The following TALDO1 variants were observed in gnomAD, a reference collection of about 807,000 sequenced individuals.
The protein encoded by TALDO1 is transaldolase 1.
In TALDO1, 29 loss-of-function variants were observed where a neutral mutation model predicts 38.1. The observed-to-expected ratio is 0.76, with a 90% CI of 0.57 to 1.04. The LOEUF (loss-of-function observed/expected upper bound fraction) is 1.04, where lower values mean the gene tolerates loss of function less well. Among genes scored for constraint, TALDO1 ranks in the 50% least tolerant of loss-of-function variants. The pLI, the probability that TALDO1 is intolerant of heterozygous loss-of-function variation, is 0.00. For synonymous variants in TALDO1, 207 were observed against 176.8 expected (o/e 1.17, Z -1.36); for missense variants, 499 against 438.1 (o/e 1.14, Z -1.24).
Position 763,842 on chromosome 11 carries a change from A to T in TALDO1, c.733A>T (p.Lys245Ter). 1 of 1,614,058 alleles carries T rather than the reference A, an allele frequency of 6.2e-7. No individual in the cohort carries two copies. The highest frequency in any genetic ancestry group is 8.5e-7 in the Non-Finnish European group (1 of 1,180,022). The change falls in exon 6 of 8, where the codon AAA becomes TAA. Residue 245 changes from lysine (K) to a stop codon, truncating the protein, a stop_gained. Coordinates refer to ENST00000319006, the MANE Select transcript of TALDO1 (RefSeq NM_006755.2). LOFTEE classifies it high-confidence loss of function. Reference protein sequence around the residue: ...GASFRNTGEIKALAGCDFLTI... With the variant: ...GASFRNTGEI Reference sequence around the variant, plus strand: ...CTCCTTCCGCAACACGGGCGAGATCAAAGCACTGGCCGGCTGTGACTTCCT... The same window carrying T: ...CTCCTTCCGCAACACGGGCGAGATCTAAGCACTGGCCGGCTGTGACTTCCT...
chr11:758,231 C>T (rs1432555079), intron 2 of TALDO1, among the ~76,000 whole-genome samples: 1 of 152,026 alleles, frequency 6.6e-6, no homozygotes, highest in African/African-American at 2.4e-5. Flanking sequence ...CTGGCAGAGC[C>T]GAGATTGTGC....
chr11:747,589 C>T lies in TALDO1; in HGVS notation c.97+11C>T. 2.6e-6 allele frequency: 4 copies of T among 1,559,184 alleles called. No homozygotes were observed. The highest frequency in any genetic ancestry group is 1.9e-5 in the Admixed American group (1 of 53,312). On this transcript the variant is annotated intron_variant, in intron 1 of 7. Coordinates refer to ENST00000319006, the MANE Select transcript of TALDO1 (RefSeq NM_006755.2). ...CGGGCGACTTCCACGGTGAGGACGG[C>T]GCGGAGCCCGGGCGCGGCGCAAGCG... is the stretch of plus-strand genomic sequence containing the variant.
At chr11:755,791 G>T in intron 1 of TALDO1, 88 bp from the exon 2 acceptor site, 1 of 1,600,238 alleles carries the variant, frequency 6.2e-7, no homozygotes, top group Non-Finnish European at 8.5e-7. Flanking sequence ...CTCCCCTAAC[G>T]TCCTGGGGAA....
rs190635396 is a variant in TALDO1 at position 750,394 on chromosome 11, G to C, written c.97+2816G>C. 2.2e-4 allele frequency among the ~76,000 whole-genome samples: 34 copies of C among 152,156 alleles called. No homozygotes were observed. In the Middle Eastern group the frequency reaches 0.017, roughly 76 times the overall value. On this transcript the variant is annotated intron_variant, in intron 1 of 7. Coordinates refer to ENST00000319006, the MANE Select transcript of TALDO1 (RefSeq NM_006755.2). ...TCCTAGCTACTCAGGAGGCTGAGTT[G>C]GGAGGATCACTTAAGCCCAGGAGGT...
intron 4 of TALDO1, among the ~76,000 whole-genome samples, chr11:763,005 T>A (rs994887115): frequency 1.3e-5 from 2 of 152,170 alleles, no homozygotes; most frequent in African/African-American, 2.4e-5. Flanking sequence ...TGCCTTTGTC[T>A]ATTGTGTCAT....
intron 1 of TALDO1, among the ~76,000 whole-genome samples, chr11:748,719 A>G (rs1862700742): frequency 6.6e-6 from 1 of 152,236 alleles, no homozygotes; most frequent in African/African-American, 2.4e-5. Context: ...ATGGGGATTC[A>G]GTGACTGGCT....
rs763695666 is a variant in TALDO1, at chr11:763,387, C to T, written c.505C>T (p.Leu169Phe). The T allele has an allele frequency of 1.9e-6, 3 of 1,612,762 alleles. No individual in the cohort carries two copies. Among genetic ancestry groups the T allele is most frequent in the Non-Finnish European group, 2.5e-6 (3 of 1,179,556 alleles). The change falls in exon 5 of 8, where the codon CTC becomes TTC. Residue 169 changes from leucine (L) to phenylalanine (F), a missense_variant. Transcript: ENST00000319006. ...QHGIHCNMTL[L>F]FSFAQAVACA... ...CGGCATCCACTGCAACATGACGTTA[C>T]TCTTCTCCTTCGCCCAGGCTGTGGC...
intron 7 of TALDO1, 47 bp downstream of exon 7, chr11:764,480 C>T: frequency 1.3e-6 from 2 of 1,598,980 alleles, no homozygotes; most frequent in Non-Finnish European, 1.7e-6. Flanking sequence ...CCTATGAGAG[C>T]CCGGGCCTGG....
rs375695395 is a variant in TALDO1, at chr11:764,433, A to G, written c.981A>G (p.Thr327=). The G allele has an allele frequency of 9.3e-6, 15 of 1,609,850 alleles. No individual in the cohort carries two copies. Among genetic ancestry groups the G allele is most frequent in the African/African-American group, 6.7e-5 (5 of 74,646 alleles). Residue 327 remains threonine (T), a splice_region_variant and synonymous_variant, in exon 7 of 8, where the codon ACA becomes ACG. Coordinates refer to ENST00000319006, the MANE Select transcript of TALDO1 (RefSeq NM_006755.2). ...CAGTGAAGCTGGAGCGGATGCTGAC[A>G]GTGAGTGTTGTGTGTGGGTACCTAC... The part of the protein sequence containing the change: ...ADAVKLERML[T]ERMFNAENGK
intron 7 of TALDO1, 152 bp downstream of exon 7, chr11:764,585 C>A: frequency 7.2e-7 from 1 of 1,398,528 alleles, no homozygotes. Flanking sequence ...TGAGGCCATC[C>A]CAGGGTGGAG....
rs559528907 is a variant in TALDO1, at chr11:758,883, G to A, written c.222-67G>A. 5.4e-5 allele frequency: 71 copies of A among 1,318,654 alleles called. No individual in the cohort carries two copies. The South Asian group carries it at 7.9e-4, about 15-fold the overall frequency. 81.7% of individuals were successfully genotyped at this position (1,318,654 alleles called of 1,614,324 possible). A position where few individuals can be genotyped will look rare whatever the true frequency, so the allele number is the denominator to read the frequency against. On this transcript the variant is annotated intron_variant, in intron 2 of 7. Transcript: ENST00000319006. ...GCCTCCCAAAGTGCTGGGATTACAG[G>A]CGTGAGCCACCGCACCTGGCGAACC...
chr11:752,823 C>A (rs1382239625), intron 1 of TALDO1, among the ~76,000 whole-genome samples: 2 of 152,184 alleles, frequency 1.3e-5, no homozygotes. Flanking sequence ...TTCAAGTTGA[C>A]AACCCCAAGT....
At position 763,728 on chromosome 11, in the gene TALDO1, C is replaced by T; in HGVS notation, c.638-19C>T. ...ACCTCTGCCGAAGCCTTCCTGGTCACAGCTTGGTCTCTTTCCAGGGGTAAA... is the reference window on the plus strand; with the variant it reads ...ACCTCTGCCGAAGCCTTCCTGGTCATAGCTTGGTCTCTTTCCAGGGGTAAA... On this transcript the variant is annotated intron_variant, in intron 5 of 7. Transcript: ENST00000319006. The T allele has an allele frequency of 6.2e-7, 1 of 1,613,680 alleles. No homozygotes were observed. The highest frequency in any genetic ancestry group is 8.5e-7 in the Non-Finnish European group (1 of 1,179,728).
chr11:749,762 G>T (rs1862720847), intron 1 of TALDO1, among the ~76,000 whole-genome samples: 1 of 152,216 alleles, frequency 6.6e-6, no homozygotes, highest in South Asian at 2.1e-4. Context: ...TTATCCAGGG[G>T]TGATTTTACA....
At chr11:761,984 T>C (rs571760024) in intron 4 of TALDO1, among the ~76,000 whole-genome samples, 168 of 151,984 alleles carry the variant, frequency 1.1e-3, no homozygotes, top group Middle Eastern at 3.4e-3. Context: ...TTTTTTGTTT[T>C]TGAGACGGAG....
Position 764,325 on chromosome 11 carries a change from G to T in TALDO1, c.873G>T (p.Glu291Asp). The T allele has an allele frequency of 1.2e-6, 2 of 1,614,268 alleles. No homozygotes were observed. Among genetic ancestry groups the T allele is most frequent in the Non-Finnish European group, 1.7e-6 (2 of 1,180,054 alleles). ...ASDLEKIHLD[E>D]KSFRWLHNED... is the part of the protein sequence containing the mutation. The stretch of plus-strand genomic sequence containing the variant: ...ACCTGGAAAAAATCCACCTGGATGA[G>T]AAGTCTTTCCGTTGGTTGCACAACG... Residue 291 changes from glutamate to aspartate, a missense_variant, in exon 7 of 8, where the codon GAG becomes GAT. Coordinates refer to ENST00000319006, the MANE Select transcript of TALDO1 (RefSeq NM_006755.2).
intron 1 of TALDO1, among the ~76,000 whole-genome samples, chr11:750,619 T>C (rs1042588924): frequency 1.3e-5 from 2 of 152,016 alleles, no homozygotes; most frequent in African/African-American, 2.4e-5. Flanking sequence ...GGTCAGGAGA[T>C]CCAGACCATC....
rs1441114572 is a variant in TALDO1, at chr11:763,895, G to C, written c.786G>C (p.Glu262Asp). Residue 262 changes from glutamate to aspartate, a missense_variant, in exon 6 of 8, where the codon GAG becomes GAC. Coordinates refer to ENST00000319006, the MANE Select transcript of TALDO1 (RefSeq NM_006755.2). ...CCATCTCACCCAAGCTCCTGGGAGA[G>C]CTGCTGCAGGACAACGCCAAGCTGG... ...FLTISPKLLG[E>D]LLQDNAKLVP... The C allele has an allele frequency of 6.2e-7, 1 of 1,613,062 alleles. No individual in the cohort carries two copies. Among genetic ancestry groups the C allele is most frequent in the South Asian group, 1.1e-5 (1 of 91,088 alleles).
At chr11:761,962 GT>G (rs538232832) in intron 4 of TALDO1, among the ~76,000 whole-genome samples, 4 of 151,110 alleles carry the variant, frequency 2.6e-5, no homozygotes, top group Non-Finnish European at 5.9e-5. Flanking sequence ...TCATTTGTGT[GT>G]TTTTTTGTTT....
Sources: allele counts gnomAD v4.1 joint callset (sites outside exome capture counted in the v4.1 genomes callset), GRCh38; gene constraint gnomAD v4.1.1; transcripts MANE v1.5; gene names NCBI Gene and HGNC (gene_info 2026-07-23, HGNC 2026-07-21).